The following DPY19L2 variants were observed in gnomAD, a reference collection of about 807,000 sequenced individuals.
DPY19L2 encodes the protein dpy-19 like 2, also known as probable C-mannosyltransferase DPY19L2.
In DPY19L2, 34 loss-of-function variants were observed where a neutral mutation model predicts 97.9. The observed-to-expected ratio is 0.35, with a 90% CI of 0.26 to 0.46. The LOEUF (loss-of-function observed/expected upper bound fraction) is 0.46, where lower values mean the gene tolerates loss of function less well. DPY19L2 is among the 20% of genes least tolerant of loss of function. DPY19L2 has a pLI of 1.00. For synonymous variants in DPY19L2, 230 were observed against 307.9 expected (o/e 0.75, Z 2.65); for missense variants, 623 against 911.4 (o/e 0.68, Z 4.07).
At chr12:63,638,131 A>G (rs1440337097) in intron 6 of DPY19L2, among the ~76,000 whole-genome samples, 1 of 152,200 alleles carries the variant, frequency 6.6e-6, no homozygotes, top group Non-Finnish European at 1.5e-5. Flanking sequence ...CAATAGATGC[A>G]GAAAAGGCCT....
intron 13 of DPY19L2, among the ~76,000 whole-genome samples, chr12:63,599,195 A>C (rs537223652): frequency 1.3e-5 from 2 of 152,130 alleles, no homozygotes; most frequent in South Asian, 4.1e-4. Context: ...AAAAAAAAAA[A>C]AAGATTTAGA....
At chr12:63,629,556 T>G (rs575705673) in intron 6 of DPY19L2, among the ~76,000 whole-genome samples, 5 of 152,160 alleles carry the variant, frequency 3.3e-5, no homozygotes, top group Non-Finnish European at 5.9e-5. Flanking sequence ...CCAAGAAATA[T>G]GGGACTATGT....
At chr12:63,636,233 A>AT (rs1319441926) in intron 6 of DPY19L2, among the ~76,000 whole-genome samples, 1 of 152,106 alleles carries the variant, frequency 6.6e-6, no homozygotes, top group Non-Finnish European at 1.5e-5. Context: ...ATGCTGAGAG[A>AT]TTTTGTCACC....
intron 21 of DPY19L2, among the ~76,000 whole-genome samples, chr12:63,562,098 CA>C (rs1876651191): frequency 6.6e-6 from 1 of 151,944 alleles, no homozygotes; most frequent in Non-Finnish European, 1.5e-5. Context: ...ATTTTTTTAG[CA>C]GATGTATTAA....
intron 4 of DPY19L2, among the ~76,000 whole-genome samples, chr12:63,649,832 T>A (rs1175520917): frequency 6.6e-6 from 1 of 152,116 alleles, no homozygotes. Context: ...AAGGCTAACA[T>A]CATTCTGATG....
intron 8 of DPY19L2, chr12:63,623,752 T>C (rs1242984924): frequency 3.5e-6 from 1 of 283,390 alleles, no homozygotes; most frequent in East Asian, 7.9e-5. Flanking sequence ...TTGCCCAGGC[T>C]GGAGTGCAGT....
At chr12:63,573,042 C>T (rs1298786307) in intron 19 of DPY19L2, among the ~76,000 whole-genome samples, 2 of 151,928 alleles carry the variant, frequency 1.3e-5, no homozygotes, top group Non-Finnish European at 1.5e-5. Flanking sequence ...GCCCAGACAC[C>T]GACAAACATC....
chr12:63,651,141 A>G (rs560786002), intron 4 of DPY19L2, among the ~76,000 whole-genome samples: 1 of 152,234 alleles, frequency 6.6e-6, no homozygotes, highest in African/African-American at 2.4e-5. Context: ...CTGACAACAC[A>G]AGTCAATAGG....
chr12:63,593,805 A>T (rs549072573), intron 16 of DPY19L2, among the ~76,000 whole-genome samples: 171 of 152,316 alleles, frequency 1.1e-3, no homozygotes, highest in Non-Finnish European at 2.1e-3. Context: ...AAAATAAAAA[A>T]AAATAAATCT....
intron 21 of DPY19L2, among the ~76,000 whole-genome samples, chr12:63,568,931 G>A (rs1878274906): frequency 6.6e-6 from 1 of 151,604 alleles, no homozygotes. Flanking sequence ...CCATATTTCA[G>A]ATATCTAATA....
chr12:63,573,043 G>A (rs542288402), intron 19 of DPY19L2, among the ~76,000 whole-genome samples: 6 of 152,016 alleles, frequency 3.9e-5, no homozygotes, highest in East Asian at 3.9e-4. Context: ...CCCAGACACC[G>A]ACAAACATCC....
At chr12:63,568,116 A>T (rs2137270484) in intron 21 of DPY19L2, among the ~76,000 whole-genome samples, 1 of 152,050 alleles carries the variant, frequency 6.6e-6, no homozygotes, top group East Asian at 1.9e-4. Flanking sequence ...AAAATTATGC[A>T]TGTGTTGAAC....
chr12:63,583,848 C>T lies in DPY19L2; in HGVS notation c.1581-12G>A, dbSNP rs1475458777. On this transcript the variant is annotated splice_polypyrimidine_tract_variant and intron_variant, in intron 16 of 21. Coordinates refer to ENST00000324472, the MANE Select transcript of DPY19L2 (RefSeq NM_173812.5). ...CAAGGAGCTGTTTTCTAGAATAAAA[C>T]AAAAATATTACCTATTTACTGAAGG... 4 of 1,606,004 alleles carry T rather than the reference C, an allele frequency of 2.5e-6. No homozygotes were observed. The highest frequency in any genetic ancestry group is 1.3e-5 in the African/African-American group (1 of 74,654).
rs1893542673 is a variant in DPY19L2, at chr12:63,647,305, T to C, written c.649A>G (p.Thr217Ala). The stretch of plus-strand genomic sequence containing the variant: ...CTGGTGACATTCCAGCAGGTCTTAG[T>C]TTCTAGTCCAAATAAATTCATTATT... The part of the protein sequence containing the change: ...MGIMNLFGLE[T>A]KTCWNVTRIE... Residue 217 changes from threonine (T) to alanine (A), a missense_variant, in exon 5 of 22, where the codon ACT becomes GCT. This residue lies in a region of DPY19L2 where 27 missense variants were observed against 77.5 expected (regional missense o/e 0.35). Transcript: ENST00000324472. 1 of 1,591,346 alleles carries C rather than the reference T, an allele frequency of 6.3e-7. No individual in the cohort carries two copies. The highest frequency in any genetic ancestry group is 1.7e-5 in the Admixed American group (1 of 57,780).
intron 16 of DPY19L2, among the ~76,000 whole-genome samples, chr12:63,586,801 C>T (rs1196762004): frequency 6.6e-6 from 1 of 152,036 alleles, no homozygotes; most frequent in African/African-American, 2.4e-5. Flanking sequence ...AAGATGAATA[C>T]ATTTGATAAT....
At chr12:63,572,282 G>A (rs1201513904) in intron 19 of DPY19L2, among the ~76,000 whole-genome samples, 1 of 152,170 alleles carries the variant, frequency 6.6e-6, no homozygotes, top group Non-Finnish European at 1.5e-5. Context: ...CGGTAGCCAG[G>A]CACTACCTCC....
At chr12:63,647,420 T>C (rs1283350777) in intron 4 of DPY19L2, 55 bp from the exon 5 acceptor site, 1 of 676,288 alleles carries the variant, frequency 1.5e-6, no homozygotes, top group Non-Finnish European at 2.2e-6. Context: ...CTCTTCATAA[T>C]AATAATAATA....
rs532372282 is a variant in DPY19L2, at chr12:63,560,665, G to A, written c.2127-3C>T. ...TTTCAAGCATACTGCAACCAGGCCT[G>A]AAAAAAGACAGACATATATATCCAT... On this transcript the variant is annotated splice_polypyrimidine_tract_variant and splice_region_variant and intron_variant, in intron 21 of 21. Transcript: ENST00000324472. 1 of 1,613,474 alleles carries A rather than the reference G, an allele frequency of 6.2e-7. No homozygotes were observed. The highest frequency in any genetic ancestry group is 2.2e-5 in the East Asian group (1 of 44,822).
At chr12:63,604,361 G>A (rs923785701) in intron 12 of DPY19L2, among the ~76,000 whole-genome samples, 1 of 152,126 alleles carries the variant, frequency 6.6e-6, no homozygotes, top group South Asian at 2.1e-4. Context: ...TCTTCACTCT[G>A]CAGGTACAGA....
Sources: gnomAD v4.1 joint callset for allele counts (sites outside exome capture counted in the v4.1 genomes callset) on GRCh38, gnomAD v4.1.1 for gene constraint, gnomAD v4.1.1 regional missense constraint, MANE v1.5 for transcripts, NCBI Gene and HGNC (gene_info 2026-07-23, HGNC 2026-07-21) for gene names.